GTPBP4: variants seen among roughly 807,000 people sequenced by gnomAD.
The protein encoded by GTPBP4 is GTP binding protein 4, also known as GTP-binding protein 4.
A neutral mutation model predicts 81.7 loss-of-function variants in GTPBP4; 15 were observed. That is an observed-to-expected ratio of 0.18 (90% CI 0.12 to 0.28). The LOEUF (loss-of-function observed/expected upper bound fraction) is 0.28, where lower values mean the gene tolerates loss of function less well. Ranked by LOEUF, GTPBP4 falls within the 10% of genes least tolerant of loss-of-function variation. The pLI is 1.00. For missense variants in GTPBP4, 847 were observed against 793.8 expected (o/e 1.07, Z -0.81); for synonymous variants, 272 against 274.6 (o/e 0.99, Z 0.09).
intron 16 of GTPBP4, 99 bp from the exon 17 acceptor site, chr10:1,016,976 C>A: frequency 2.2e-6 from 2 of 925,850 alleles, no homozygotes; most frequent in Non-Finnish European, 3.3e-6. Flanking sequence ...GCTGAGCAGA[C>A]CTGAGCCATT....
intron 8 of GTPBP4, among the ~76,000 whole-genome samples, chr10:1,004,037 C>T (rs117053469): frequency 0.011 from 1,685 of 152,252 alleles, 22 homozygotes; most frequent in Non-Finnish European, 0.014. Flanking sequence ...GCTGTGGCTC[C>T]ACCCGTGGGG....
chr10:995,809 A>G, intron 2 of GTPBP4, 120 bp from the exon 3 acceptor site: 1 of 631,912 alleles, frequency 1.6e-6, no homozygotes, highest in Non-Finnish European at 2.9e-6. Flanking sequence ...TGGCCAGGAG[A>G]GGGAACTGGG....
intron 9 of GTPBP4, 74 bp downstream of exon 9, chr10:1,005,981 A>G: frequency 1.2e-6 from 1 of 806,264 alleles, no homozygotes; most frequent in Non-Finnish European, 2.0e-6. Context: ...GTGGGGAGAA[A>G]ATAGTTTTCT....
chr10:988,800 C>T, intron 1 of GTPBP4: 1 of 411,114 alleles, frequency 2.4e-6, no homozygotes, highest in Non-Finnish European at 4.4e-6. Context: ...GGGGTACACC[C>T]AGAGTTGGGT....
At chr10:1,006,316 G>A (rs894263461) in intron 9 of GTPBP4, among the ~76,000 whole-genome samples, 1 of 152,222 alleles carries the variant, frequency 6.6e-6, no homozygotes, top group Admixed American at 6.5e-5. Flanking sequence ...TAATTACTTT[G>A]TATTTCATGT....
intron 1 of GTPBP4, among the ~76,000 whole-genome samples, chr10:990,440 A>G (rs1831421667): frequency 6.6e-6 from 1 of 152,066 alleles, no homozygotes; most frequent in African/African-American, 2.4e-5. Context: ...AGGTAAGTCG[A>G]GGCCGGGTGC....
intron 10 of GTPBP4, chr10:1,007,369 G>T: frequency 2.6e-6 from 1 of 384,916 alleles, no homozygotes; most frequent in Non-Finnish European, 4.7e-6. Context: ...TTCCAGAAAT[G>T]TTTCTGATAT....
chr10:1,002,086 G>A (rs1251752551), intron 8 of GTPBP4, among the ~76,000 whole-genome samples: 1 of 152,136 alleles, frequency 6.6e-6, no homozygotes, highest in Non-Finnish European at 1.5e-5. Context: ...ACCACACCGA[G>A]CTAATTTTTT....
At chr10:998,929 T>C in intron 5 of GTPBP4, 74 bp from the exon 6 acceptor site, 1 of 832,776 alleles carries the variant, frequency 1.2e-6, no homozygotes, top group Non-Finnish European at 2.1e-6. Flanking sequence ...CCAAAATCAG[T>C]CTTGTTAAAA....
Position 1,012,568 on chromosome 10 carries a change from T to C in GTPBP4, c.1448T>C (p.Leu483Pro). The change falls in exon 14 of 17, where the codon CTG becomes CCG. Residue 483 changes from leucine to proline, a missense_variant. By Grantham distance (98) the Leu-to-Pro change is moderately conservative (BLOSUM62 -3). Around this residue, in one of 3 missense-constraint regions of GTPBP4, gnomAD observed 600 missense variants for 557.1 expected, o/e 1.08. Transcript: ENST00000360803. Reference sequence around the variant, plus strand: ...GAAGAGATGCTGGAAATCCGACAGCTGGCAAAGCAAATTCGAGAGAAAAAG... The same window carrying C: ...GAAGAGATGCTGGAAATCCGACAGCCGGCAAAGCAAATTCGAGAGAAAAAG... ...EDEEMLEIRQ[L>P]AKQIREKKKL... The C allele has an allele frequency of 6.2e-7, 1 of 1,613,920 alleles. No homozygotes were observed. Among genetic ancestry groups the C allele is most frequent in the Non-Finnish European group, 8.5e-7 (1 of 1,179,808 alleles).
At chr10:1,006,328 G>GT (rs1397791313) in intron 9 of GTPBP4, among the ~76,000 whole-genome samples, 1 of 152,204 alleles carries the variant, frequency 6.6e-6, no homozygotes, top group South Asian at 2.1e-4. Flanking sequence ...ATTTCATGTT[G>GT]TTTTTATCTC....
intron 13 of GTPBP4, among the ~76,000 whole-genome samples, chr10:1,010,993 A>ACCACCTT (rs1831853150): frequency 1.4e-5 from 2 of 138,578 alleles, no homozygotes; most frequent in Admixed American, 7.3e-5. Flanking sequence ...TGCCTCCTGC[A>ACCACCTT]CCACCTTCCC....
chr10:1,007,157 C>A, intron 10 of GTPBP4, 29 bp downstream of exon 10: 1 of 1,224,232 alleles, frequency 8.2e-7, no homozygotes, highest in Non-Finnish European at 1.2e-6. Flanking sequence ...CAGCCGTGGG[C>A]TCACAGTACT....
chr10:1,016,850 G>A (rs931566781), intron 16 of GTPBP4, among the ~76,000 whole-genome samples: 1 of 149,522 alleles, frequency 6.7e-6, no homozygotes, highest in Non-Finnish European at 1.5e-5. Context: ...TAACTGTGCT[G>A]GGCTTAAGAG....
Position 988,508 on chromosome 10 carries a change from C to T in GTPBP4, c.29C>T (p.Thr10Met), listed in dbSNP as rs769837222. The change falls in exon 1 of 17, where the codon ACG becomes ATG. Residue 10 changes from threonine to methionine, a missense_variant. By Grantham distance (81) the Thr-to-Met change is moderately conservative. Transcript: ENST00000360803. MAHYNFKKITVVPSAKDFID... is the reference protein window; with the variant it reads MAHYNFKKIMVVPSAKDFID... Reference sequence around the variant, plus strand: ...GCACATTACAACTTCAAGAAAATTACGGTGGTGCCGTCCGCCAAGGTAGGC... The same window carrying T: ...GCACATTACAACTTCAAGAAAATTATGGTGGTGCCGTCCGCCAAGGTAGGC... 14 of 1,612,702 alleles carry T rather than the reference C, an allele frequency of 8.7e-6. No homozygotes were observed. Among genetic ancestry groups the T allele is most frequent in the Middle Eastern group, 1.7e-4 (1 of 6,040 alleles).
In GTPBP4 at chr10:1,007,147, C is replaced by G. The variant is rs1375031345; in HGVS notation, c.1113+19C>G. On this transcript the variant is annotated intron_variant, in intron 10 of 16. Coordinates refer to ENST00000360803, the MANE Select transcript of GTPBP4 (RefSeq NM_012341.3). Reference sequence around the variant, plus strand: ...CGATAAGGTAAGACGGCCCCTGGGACAGCCGTGGGCTCACAGTACTGTCAG... The same window carrying G: ...CGATAAGGTAAGACGGCCCCTGGGAGAGCCGTGGGCTCACAGTACTGTCAG... 1.5e-6 allele frequency: 2 copies of G among 1,342,468 alleles called. No homozygotes were observed. Among genetic ancestry groups the G allele is most frequent in the African/African-American group, 2.9e-5 (2 of 69,806 alleles). 83.2% of individuals were successfully genotyped at this position (1,342,468 alleles called of 1,614,324 possible).
intron 13 of GTPBP4, among the ~76,000 whole-genome samples, chr10:1,011,686 A>G (rs1161640169): frequency 6.6e-6 from 1 of 152,158 alleles, no homozygotes; most frequent in Non-Finnish European, 1.5e-5. Flanking sequence ...AGATTCTGGG[A>G]TAGCAGATTC....
intron 5 of GTPBP4, 98 bp downstream of exon 5, chr10:997,406 A>G: frequency 1.3e-6 from 1 of 791,470 alleles, no homozygotes; most frequent in Non-Finnish European, 2.3e-6. Context: ...CTTGTAGGTC[A>G]GTGTTAACTG....
intron 2 of GTPBP4, among the ~76,000 whole-genome samples, chr10:995,344 G>A (rs983696047): frequency 3.9e-5 from 6 of 152,028 alleles, no homozygotes; most frequent in African/African-American, 1.4e-4. Flanking sequence ...TGGCCAGCCC[G>A]CAGCGTTTCA....
Sources: gnomAD v4.1 joint callset for allele counts (sites outside exome capture counted in the v4.1 genomes callset) on GRCh38, gnomAD v4.1.1 for gene constraint, gnomAD v4.1.1 regional missense constraint, MANE v1.5 for transcripts, NCBI Gene and HGNC (gene_info 2026-07-23, HGNC 2026-07-21) for gene names.